ST6GALNAC3: variants seen among roughly 807,000 people sequenced by gnomAD.
The protein encoded by ST6GALNAC3 is alpha-N-acetylgalactosaminide alpha-2,6-sialyltransferase 3.
In ST6GALNAC3, 25 loss-of-function variants were observed where a neutral mutation model predicts 32.7. The ratio of observed to expected loss-of-function variants is 0.76; its 90% CI spans 0.56 to 1.07. The LOEUF (loss-of-function observed/expected upper bound fraction) is 1.07. ST6GALNAC3 is among the 50% of genes least tolerant of loss of function. The pLI is 0.00. For synonymous variants in ST6GALNAC3, 129 were observed against 133.1 expected, an observed-to-expected ratio of 0.97 and a Z score of 0.21; for missense variants, 355 against 382.4, an observed-to-expected ratio of 0.93 and a Z score of 0.60.
chr1:76,403,930 G>GT (rs1378789764), intron 2 of ST6GALNAC3, among the ~76,000 whole-genome samples: 7 of 139,254 alleles, frequency 5.0e-5, no homozygotes, highest in Non-Finnish European at 1.1e-4. Flanking sequence ...GAGAAAACGT[G>GT]TTTTTTGCCT....
intron 1 of ST6GALNAC3, among the ~76,000 whole-genome samples, chr1:76,254,770 T>C (rs1420707530): frequency 6.6e-6 from 1 of 152,052 alleles, no homozygotes; most frequent in Non-Finnish European, 1.5e-5. Flanking sequence ...AGCTTACAGA[T>C]CTAATTGGCT....
At chr1:76,597,553 G>A (rs961163686) in intron 3 of ST6GALNAC3, among the ~76,000 whole-genome samples, 1 of 151,998 alleles carries the variant, frequency 6.6e-6, no homozygotes, top group African/African-American at 2.4e-5. Flanking sequence ...GAGACTCTTT[G>A]TTCTACTTCC....
chr1:76,466,537 T>C (rs1413143669), intron 3 of ST6GALNAC3, among the ~76,000 whole-genome samples: 1 of 152,114 alleles, frequency 6.6e-6, no homozygotes, highest in Non-Finnish European at 1.5e-5. Flanking sequence ...ACTCATATAC[T>C]ACTGGTAGCA....
At chr1:76,193,252 C>T (rs1444829562) in intron 1 of ST6GALNAC3, among the ~76,000 whole-genome samples, 4 of 152,064 alleles carry the variant, frequency 2.6e-5, no homozygotes, top group Non-Finnish European at 4.4e-5. Context: ...CACCCCACTT[C>T]CAGTCTACAT....
chr1:76,243,270 C>T (rs893387774), intron 1 of ST6GALNAC3, among the ~76,000 whole-genome samples: 6 of 152,122 alleles, frequency 3.9e-5, no homozygotes, highest in African/African-American at 1.4e-4. Context: ...AGTGTCTTTT[C>T]ATATCCTTCG....
intron 2 of ST6GALNAC3, among the ~76,000 whole-genome samples, chr1:76,376,682 C>T (rs1463237042): frequency 1.3e-5 from 2 of 152,162 alleles, no homozygotes; most frequent in Non-Finnish European, 2.9e-5. Flanking sequence ...ATCCACTCTG[C>T]ACTCCACAAA....
chr1:76,432,847 AC>A (rs1360668348), intron 3 of ST6GALNAC3, among the ~76,000 whole-genome samples: 1 of 152,210 alleles, frequency 6.6e-6, no homozygotes, highest in Non-Finnish European at 1.5e-5. Flanking sequence ...CTTCATTTGT[AC>A]CATCAAAAGA....
At chr1:76,551,811 C>T (rs1664651170) in intron 3 of ST6GALNAC3, among the ~76,000 whole-genome samples, 1 of 152,136 alleles carries the variant, frequency 6.6e-6, no homozygotes, top group Admixed American at 6.6e-5. Context: ...ATTAACCAAC[C>T]TCTCTTCATA....
chr1:76,120,213 G>A (rs187324764), intron 1 of ST6GALNAC3, among the ~76,000 whole-genome samples: 11 of 152,334 alleles, frequency 7.2e-5, no homozygotes, highest in African/African-American at 1.7e-4. Flanking sequence ...GGCTGGACTG[G>A]GGGAACAGTG....
rs186649208 is a variant in ST6GALNAC3, at chr1:76,548,274, T to A, written c.624-79178T>A. ...TAAAAGGCCACCCTATGTGTGTTTA[T>A]CTGCTTGGGATGATTTTGGCTGCAA... On this transcript the variant is annotated intron_variant, in intron 3 of 4. Coordinates refer to ENST00000328299, the MANE Select transcript of ST6GALNAC3 (RefSeq NM_152996.4). Among the ~76,000 whole-genome samples the A allele has an allele frequency of 1.2e-4, 19 of 152,316 alleles. No individual in the cohort carries two copies. In the East Asian group the frequency reaches 3.5e-3, roughly 28 times the overall value.
intron 1 of ST6GALNAC3, among the ~76,000 whole-genome samples, chr1:76,279,369 T>C (rs2100781164): frequency 6.6e-6 from 1 of 152,352 alleles, no homozygotes; most frequent in South Asian, 2.1e-4. Flanking sequence ...CCCCGTGTTC[T>C]TTGGTAAGAA....
intron 2 of ST6GALNAC3, among the ~76,000 whole-genome samples, chr1:76,359,833 A>G (rs969624014): frequency 6.6e-6 from 1 of 152,206 alleles, no homozygotes; most frequent in Admixed American, 6.5e-5. Context: ...AAGATAGGTG[A>G]ATGATTAGAC....
At chr1:76,151,940 T>C (rs959134929) in intron 1 of ST6GALNAC3, among the ~76,000 whole-genome samples, 7 of 152,158 alleles carry the variant, frequency 4.6e-5, no homozygotes, top group African/African-American at 7.2e-5. Flanking sequence ...AATCCAGGCT[T>C]CCTGACTCTT....
intron 1 of ST6GALNAC3, among the ~76,000 whole-genome samples, chr1:76,236,341 C>G (rs771176839): frequency 6.6e-6 from 1 of 152,116 alleles, no homozygotes; most frequent in Non-Finnish European, 1.5e-5. Context: ...TTTCAACATA[C>G]GAGTTTTGGA....
At chr1:76,379,185 C>T (rs923008152) in intron 2 of ST6GALNAC3, among the ~76,000 whole-genome samples, 4 of 152,184 alleles carry the variant, frequency 2.6e-5, no homozygotes, top group East Asian at 1.9e-4. Context: ...CGTGAGCCAC[C>T]GGGCTCGGCC....
intron 1 of ST6GALNAC3, among the ~76,000 whole-genome samples, chr1:76,165,419 T>C (rs755766947): frequency 8.0e-5 from 12 of 150,012 alleles, no homozygotes; most frequent in Admixed American, 2.6e-4. Flanking sequence ...CAGTCTATCA[T>C]TGATGAGCAT....
At chr1:76,108,889 TGTG>T (rs1647728018) in intron 1 of ST6GALNAC3, among the ~76,000 whole-genome samples, 1 of 124,060 alleles carries the variant, frequency 8.1e-6, no homozygotes. Context: ...TGTGTGTGTG[TGTG>T]TGTGTGTTTC....
At chr1:76,440,749 G>A (rs1393842129) in intron 3 of ST6GALNAC3, among the ~76,000 whole-genome samples, 1 of 152,082 alleles carries the variant, frequency 6.6e-6, no homozygotes, top group Non-Finnish European at 1.5e-5. Flanking sequence ...GGCAAAGAAG[G>A]CAAGATAAAA....
At chr1:76,201,786 C>A (rs987219103) in intron 1 of ST6GALNAC3, among the ~76,000 whole-genome samples, 1 of 152,102 alleles carries the variant, frequency 6.6e-6, no homozygotes, top group Non-Finnish European at 1.5e-5. Context: ...AAACAAGTGC[C>A]TTTGGGTGGG....
Sources: allele counts gnomAD v4.1 joint callset (sites outside exome capture counted in the v4.1 genomes callset), GRCh38; gene constraint gnomAD v4.1.1; transcripts MANE v1.5; gene names NCBI Gene and HGNC (gene_info 2026-07-23, HGNC 2026-07-21).